The following HPSE2 variants were observed in gnomAD, a reference collection of about 807,000 sequenced individuals.
HPSE2 encodes heparanase 2 (inactive), also known as inactive heparanase-2.
In HPSE2, 38 loss-of-function variants were observed where a neutral mutation model predicts 60.5. The observed-to-expected ratio is 0.63, with a 90% CI of 0.48 to 0.82. The LOEUF is 0.82. HPSE2 is among the 40% of genes least tolerant of loss of function. The pLI, the probability that HPSE2 is intolerant of heterozygous loss-of-function variation, is 0.00. For missense variants in HPSE2, 713 were observed against 740.4 expected, an observed-to-expected ratio of 0.96 and a Z score of 0.43; for synonymous variants, 295 against 293.2, an observed-to-expected ratio of 1.01 and a Z score of -0.06.
At chr10:98,766,587 A>C (rs1470941530) in intron 3 of HPSE2, among the ~76,000 whole-genome samples, 2 of 152,184 alleles carry the variant, frequency 1.3e-5, no homozygotes, top group East Asian at 3.8e-4. Flanking sequence ...AACACAACCA[A>C]GTGGAGTTTA....
chr10:99,260,566 T>A, the HPSE2 span, among the ~76,000 whole-genome samples: 3 of 152,244 alleles, frequency 2.0e-5, no homozygotes, highest in African/African-American at 7.2e-5. Flanking sequence ...CCAATTCCAG[T>A]TGTTTTTCCT....
At chr10:99,255,612 G>A in the HPSE2 span, among the ~76,000 whole-genome samples, 1 of 151,036 alleles carries the variant, frequency 6.6e-6, no homozygotes, top group South Asian at 2.1e-4. Context: ...AATAGATGCA[G>A]TAAAGTCATT....
At chr10:99,024,955 G>A (rs1183922843) in intron 3 of HPSE2, among the ~76,000 whole-genome samples, 3 of 152,064 alleles carry the variant, frequency 2.0e-5, no homozygotes, top group African/African-American at 7.2e-5. Context: ...ACATTAATGA[G>A]CAATAAATAA....
chr10:98,539,851 C>T (rs1943404663), intron 9 of HPSE2, among the ~76,000 whole-genome samples: 2 of 152,126 alleles, frequency 1.3e-5, no homozygotes, highest in Middle Eastern at 3.4e-3. Context: ...GATTTTACCC[C>T]CACCTTAGGC....
intron 9 of HPSE2, among the ~76,000 whole-genome samples, chr10:98,497,830 G>T (rs889852403): frequency 3.3e-5 from 5 of 152,076 alleles, no homozygotes; most frequent in African/African-American, 1.2e-4. Flanking sequence ...CTGTTGCAGA[G>T]AATTTTGAAG....
chr10:99,157,666 C>G (rs2135822242), intron 2 of HPSE2, among the ~76,000 whole-genome samples: 1 of 147,214 alleles, frequency 6.8e-6, no homozygotes, highest in African/African-American at 2.4e-5. Flanking sequence ...AAAATCTAGG[C>G]ATTACCATTC....
intron 9 of HPSE2, among the ~76,000 whole-genome samples, chr10:98,526,966 A>C (rs1564941078): frequency 6.6e-6 from 1 of 152,112 alleles, no homozygotes; most frequent in South Asian, 2.1e-4. Flanking sequence ...CCTCAAACCC[A>C]CTCGGGTTTG....
chr10:98,554,724 A>G (rs1344136960), intron 9 of HPSE2, among the ~76,000 whole-genome samples: 2 of 152,212 alleles, frequency 1.3e-5, no homozygotes, highest in African/African-American at 4.8e-5. Context: ...AATTAACAGG[A>G]AAGTCAGTTG....
At chr10:98,816,240 C>G (rs897056291) in intron 3 of HPSE2, among the ~76,000 whole-genome samples, 1 of 152,076 alleles carries the variant, frequency 6.6e-6, no homozygotes, top group East Asian at 1.9e-4. Flanking sequence ...CCATTACAAT[C>G]TACAGGTTTT....
At chr10:98,489,707 TG>T (rs1394358306) in intron 10 of HPSE2, among the ~76,000 whole-genome samples, 1 of 152,316 alleles carries the variant, frequency 6.6e-6, no homozygotes, top group African/African-American at 2.4e-5. Context: ...CCTCTTGACT[TG>T]GCTAAAGCTT....
intron 2 of HPSE2, among the ~76,000 whole-genome samples, chr10:99,190,315 C>CA (rs1564882691): frequency 1.3e-5 from 2 of 152,174 alleles, no homozygotes; most frequent in African/African-American, 4.8e-5. Context: ...GCAGAAGTTA[C>CA]ATAATCTCTT....
chr10:98,782,915 T>TATTTA (rs151058573), intron 3 of HPSE2, among the ~76,000 whole-genome samples: 4 of 127,182 alleles, frequency 3.1e-5, no homozygotes, highest in East Asian at 2.2e-4. Flanking sequence ...TTTGTTTATT[T>TATTTA]TTTTTTTTTT....
chr10:98,621,049 T>C (rs1349792776), intron 7 of HPSE2, among the ~76,000 whole-genome samples: 1 of 152,126 alleles, frequency 6.6e-6, no homozygotes, highest in Non-Finnish European at 1.5e-5. Context: ...TCAACAAGCA[T>C]TGAGAAACAA....
rs534342581 is a variant in HPSE2, at chr10:99,069,474, A to T, written c.610+74764T>A. Among the ~76,000 whole-genome samples the T allele has an allele frequency of 3.3e-5, 5 of 152,018 alleles. No individual in the cohort carries two copies. In the South Asian group the frequency reaches 1.0e-3, roughly 32 times the overall value. On this transcript the variant is annotated intron_variant, in intron 3 of 11. Coordinates refer to ENST00000370552, the MANE Select transcript of HPSE2 (RefSeq NM_021828.5). ...CTTATTTGTTTAGGTCATATCTCAT[A>T]TTTCAGGTTATTACATCTATGGAAA...
At chr10:98,567,147 C>T (rs520329) in intron 9 of HPSE2, among the ~76,000 whole-genome samples, 129,184 of 152,080 alleles carry the variant, frequency 0.85, 56,140 homozygotes, top group East Asian at 1. Context: ...GCTTCCCCAC[C>T]GACTCTGACA....
chr10:99,260,987 C>T, the HPSE2 span, among the ~76,000 whole-genome samples: 2 of 152,122 alleles, frequency 1.3e-5, no homozygotes, highest in Admixed American at 6.5e-5. Flanking sequence ...GACAGTGGTT[C>T]CAAATAGCCA....
intron 7 of HPSE2, among the ~76,000 whole-genome samples, chr10:98,634,265 C>T (rs1440868397): frequency 6.6e-6 from 1 of 152,176 alleles, no homozygotes. Flanking sequence ...TCCTTCCCTC[C>T]AACATGTATT....
intron 9 of HPSE2, among the ~76,000 whole-genome samples, chr10:98,546,719 A>G (rs1199938570): frequency 1.3e-5 from 2 of 150,854 alleles, no homozygotes; most frequent in African/African-American, 2.4e-5. Flanking sequence ...AAACCTAGGC[A>G]TTACCATTCA....
chr10:99,066,537 A>C (rs558086555), intron 3 of HPSE2, among the ~76,000 whole-genome samples: 1 of 152,324 alleles, frequency 6.6e-6, no homozygotes, highest in South Asian at 2.1e-4. Flanking sequence ...AAGGCAAATG[A>C]GGAGCAAAGT....
Sources: allele counts gnomAD v4.1 joint callset (sites outside exome capture counted in the v4.1 genomes callset), GRCh38; gene constraint gnomAD v4.1.1; transcripts MANE v1.5; gene names NCBI Gene and HGNC (gene_info 2026-07-23, HGNC 2026-07-21).